The following AKT2 variants were observed in gnomAD, a reference collection of about 807,000 sequenced individuals.
The protein encoded by AKT2 is AKT serine/threonine kinase 2.
Under a neutral mutation model 58.6 loss-of-function variants are expected in AKT2, and 16 were observed. The ratio of observed to expected loss-of-function variants is 0.27; its 90% CI spans 0.18 to 0.41. The LOEUF (loss-of-function observed/expected upper bound fraction) is 0.41. Among genes scored for constraint, AKT2 ranks in the 10% least tolerant of loss-of-function variants. The pLI is 1.00. For missense variants in AKT2, 438 were observed against 661.0 expected (o/e 0.66, Z 3.70); for synonymous variants, 253 against 254.0 (o/e 1.00, Z 0.04).
In AKT2 at chr19:40,281,559, C is replaced by T. The variant is rs183414958; in HGVS notation, c.-85+3622G>A. 1.9e-3 allele frequency among the ~76,000 whole-genome samples: 284 copies of T among 152,070 alleles called. 3 individuals are homozygous for T. Among genetic ancestry groups the T allele is most frequent in the Admixed American group, 0.015 (229 of 15,298 alleles). On this transcript the variant is annotated intron_variant, in intron 1 of 13. Coordinates refer to ENST00000392038, the MANE Select transcript of AKT2 (RefSeq NM_001626.6). Reference sequence around the variant, plus strand: ...GACTCCAGTGTGTCTACCTTGGAGGCGCTCAGGGCTGCAAAGCCACTGCGT... The same window carrying T: ...GACTCCAGTGTGTCTACCTTGGAGGTGCTCAGGGCTGCAAAGCCACTGCGT...
intron 2 of AKT2, among the ~76,000 whole-genome samples, chr19:40,260,764 C>T (rs961503089): frequency 2.0e-5 from 3 of 150,822 alleles, no homozygotes; most frequent in Non-Finnish European, 2.9e-5. Context: ...TATTGATATA[C>T]GCTACTACAT....
intron 1 of AKT2, among the ~76,000 whole-genome samples, chr19:40,276,565 C>T (rs753274718): frequency 6.6e-6 from 1 of 151,664 alleles, no homozygotes; most frequent in Non-Finnish European, 1.5e-5. Flanking sequence ...AGGGTTTCAC[C>T]ATCTTGGCCA....
In AKT2 at chr19:40,236,297, A is replaced by G. The variant is rs1974022069; in HGVS notation, c.920T>C (p.Met307Thr). ...CKEGISDGAT[M>T]KTFCGTPEYL... ...CTCCGGGGTCCCACAGAAGGTTTTC[A>G]TGGTGGCCCCGTCACTGATGCCCTC... Residue 307 changes from methionine (M) to threonine (T), a missense_variant, in exon 10 of 14, where the codon ATG becomes ACG. Transcript: ENST00000392038. 2 of 1,613,964 alleles carry G rather than the reference A, an allele frequency of 1.2e-6. No homozygotes were observed. The highest frequency in any genetic ancestry group is 2.7e-5 in the African/African-American group (2 of 74,898).
intron 1 of AKT2, among the ~76,000 whole-genome samples, chr19:40,278,738 C>T (rs570153178): frequency 3.9e-4 from 59 of 152,134 alleles, no homozygotes; most frequent in African/African-American, 1.2e-3. Context: ...AAATTCATCC[C>T]GCCGCCTCCT....
At position 40,233,954 on chromosome 19, in the gene AKT2, G is replaced by A; in HGVS notation, c.1367-3C>T. The A allele has an allele frequency of 6.2e-7, 1 of 1,610,308 alleles. No individual in the cohort carries two copies. Among genetic ancestry groups the A allele is most frequent in the Non-Finnish European group, 8.5e-7 (1 of 1,179,860 alleles). The stretch of plus-strand genomic sequence containing the variant: ...CTCCAGTAAGCCCAGGCTGTCATCT[G>A]TGGGCGGCAGAGGTGGATGGGGAGG... On this transcript the variant is annotated splice_region_variant and splice_polypyrimidine_tract_variant and intron_variant, in intron 13 of 13. Transcript: ENST00000392038. The surrounding 1 kb of genome is among the most constrained non-coding windows in gnomAD (Gnocchi z 4.3).
chr19:40,251,245 T>C (rs1412862778), intron 4 of AKT2, among the ~76,000 whole-genome samples: 1 of 152,110 alleles, frequency 6.6e-6, no homozygotes, highest in Non-Finnish European at 1.5e-5. Context: ...AATTAAAATT[T>C]TAAAAGGGCC....
At chr19:40,259,635 A>G (rs949902436) in intron 2 of AKT2, among the ~76,000 whole-genome samples, 16 of 152,242 alleles carry the variant, frequency 1.1e-4, no homozygotes, top group Non-Finnish European at 7.3e-5. Context: ...TCAAGAAAGT[A>G]AAAAGATAAC....
rs1568515392 is a variant in AKT2 at position 40,234,583 on chromosome 19, G to A, written c.1366+462C>T. The A allele has an allele frequency of 2.5e-6, 1 of 405,094 alleles. No homozygotes were observed. Among genetic ancestry groups the A allele is most frequent in the Non-Finnish European group, 4.4e-6 (1 of 227,266 alleles). The allele number at this position is 405,094 out of a possible 1,614,324, so 25.1% of individuals were successfully genotyped here. On this transcript the variant is annotated intron_variant, in intron 13 of 13. Coordinates refer to ENST00000392038, the MANE Select transcript of AKT2 (RefSeq NM_001626.6). The surrounding 1 kb of genome is among the most constrained non-coding windows in gnomAD (Gnocchi z 4.7). ...AAAGCCCTCCCTAACTGCAGGCCAG[G>A]TCGGATATTTCCTCTGGGATTCCCC...
rs1488761003 is a variant in AKT2, at chr19:40,242,944, C to T, written c.288-257G>A. The T allele has an allele frequency of 1.1e-5, 5 of 462,182 alleles. No homozygotes were observed. Among genetic ancestry groups the T allele is most frequent in the South Asian group, 6.3e-5 (3 of 47,618 alleles). The allele number at this position is 462,182 out of a possible 1,614,324, so 28.6% of individuals were successfully genotyped here. ...CGGATGGATCACAAGGTCAGGAGTT[C>T]GAGACCAGCCTGGCCAACATGGTGA... On this transcript the variant is annotated intron_variant, in intron 4 of 13. Coordinates refer to ENST00000392038, the MANE Select transcript of AKT2 (RefSeq NM_001626.6). The surrounding 1 kb of genome is among the most constrained non-coding windows in gnomAD (Gnocchi z 4.3).
At chr19:40,246,873 A>G (rs1974784243) in intron 4 of AKT2, among the ~76,000 whole-genome samples, 1 of 152,076 alleles carries the variant, frequency 6.6e-6, no homozygotes, top group Admixed American at 6.6e-5. Flanking sequence ...TCTCCCCTCC[A>G]CCAGGGCCTG....
At chr19:40,265,389 G>A in intron 1 of AKT2, 38 bp from the exon 2 acceptor site, 1 of 1,534,518 alleles carries the variant, frequency 6.5e-7, no homozygotes, top group Non-Finnish European at 8.7e-7. Context: ...GGCGGGAGGG[G>A]ATTCCACACC....
Position 40,233,904 on chromosome 19 carries a change from G to T in AKT2, c.1414C>A (p.Gln472Lys). The change falls in exon 14 of 14, where the codon CAG (glutamine) becomes AAG (lysine). Residue 472 changes from glutamine (Q) to lysine (K), a missense_variant. By Grantham distance (53) the Gln-to-Lys change is moderately conservative. This residue lies in a region of AKT2 where 148 missense variants were observed against 199.5 expected (regional missense o/e 0.74). Coordinates refer to ENST00000392038, the MANE Select transcript of AKT2 (RefSeq NM_001626.6). This position sits in a 1 kb window ranked among gnomAD's most constrained non-coding sequence, Gnocchi z 4.3. ...LELDQRTHFPQFSYSASIRE is the reference protein window; with the variant it reads ...LELDQRTHFPKFSYSASIRE ...CGGATGCTGGCCGAGTAGGAGAACT[G>T]GGGGAAGTGGGTCCGCTGGTCCAGC... is the stretch of plus-strand genomic sequence containing the variant. 5 of 1,611,916 alleles carry T rather than the reference G, an allele frequency of 3.1e-6. No homozygotes were observed. The highest frequency in any genetic ancestry group is 4.2e-6 in the Non-Finnish European group (5 of 1,179,876).
rs901348440 is a variant in AKT2 at position 40,242,742 on chromosome 19, G to C, written c.288-55C>G. The C allele has an allele frequency of 1.3e-6, 2 of 1,591,108 alleles. No homozygotes were observed. Among genetic ancestry groups the C allele is most frequent in the East Asian group, 2.2e-5 (1 of 44,560 alleles). ...GCCAGGAGTCCTGGGCCTCAGAGTCGAACAGCTGAGTGCCACCTCCCAGCC... is the reference window on the plus strand; with the variant it reads ...GCCAGGAGTCCTGGGCCTCAGAGTCCAACAGCTGAGTGCCACCTCCCAGCC... On this transcript the variant is annotated intron_variant, in intron 4 of 13. Transcript: ENST00000392038. The surrounding 1 kb of genome is among the most constrained non-coding windows in gnomAD (Gnocchi z 4.3).
At chr19:40,240,386 G>C (rs920026718) in intron 6 of AKT2, 2 of 654,996 alleles carry the variant, frequency 3.1e-6, no homozygotes, top group Non-Finnish European at 5.8e-6. Context: ...TGACGTCCCT[G>C]CAAGGGAGAC....
At chr19:40,265,792 C>T (rs1976307013) in intron 1 of AKT2, among the ~76,000 whole-genome samples, 1 of 152,106 alleles carries the variant, frequency 6.6e-6, no homozygotes, top group Non-Finnish European at 1.5e-5. Flanking sequence ...GTCCCTCCAC[C>T]ATCTTACACA....
chr19:40,253,979 A>AT (rs1041121016), intron 4 of AKT2, among the ~76,000 whole-genome samples: 1 of 148,534 alleles, frequency 6.7e-6, no homozygotes, highest in Non-Finnish European at 1.5e-5. Context: ...TACCTTTTGT[A>AT]TTTAAAAAAA....
rs2145176064 is a variant in AKT2 at position 40,237,723 on chromosome 19, G to A, written c.831+246C>T. The A allele has an allele frequency of 1.9e-6, 1 of 521,974 alleles. No individual in the cohort carries two copies. Among genetic ancestry groups the A allele is most frequent in the South Asian group, 2.0e-5 (1 of 50,378 alleles). 32.3% of individuals were successfully genotyped at this position (521,974 alleles called of 1,614,324 possible). A position where few individuals can be genotyped will look rare whatever the true frequency, so the allele number is the denominator to read the frequency against. ...CTAGGAGCGCTCATGGGAGGCTTGG[G>A]AAGGTCCCTACTTGGGGCAACTTGC... On this transcript the variant is annotated intron_variant, in intron 9 of 13. Transcript: ENST00000392038. This position sits in a 1 kb window ranked among gnomAD's most constrained non-coding sequence, Gnocchi z 4.5.
At chr19:40,272,283 T>A (rs2077229694) in intron 1 of AKT2, among the ~76,000 whole-genome samples, 1 of 152,216 alleles carries the variant, frequency 6.6e-6, no homozygotes. Flanking sequence ...GCCCACTTTC[T>A]AGACTCCCAA....
Position 40,242,506 on chromosome 19 carries a change from C to T in AKT2, c.441+28G>A, listed in dbSNP as rs1015423311. 1.2e-6 allele frequency: 2 copies of T among 1,612,538 alleles called. No individual in the cohort carries two copies. The highest frequency in any genetic ancestry group is 1.1e-5 in the South Asian group (1 of 91,078). On this transcript the variant is annotated intron_variant, in intron 5 of 13. Transcript: ENST00000392038. This position sits in a 1 kb window ranked among gnomAD's most constrained non-coding sequence, Gnocchi z 4.3. ...TGGGGGTGGGGGCACCGCAGGCTGG[C>T]AGCCCCACCCCTGCTCCCAGCACTT...
Sources: allele counts gnomAD v4.1 joint callset (sites outside exome capture counted in the v4.1 genomes callset), GRCh38; gene constraint gnomAD v4.1.1; regional missense constraint gnomAD v4.1.1; non-coding constraint Gnocchi (gnomAD v3.1); transcripts MANE v1.5; gene names NCBI Gene and HGNC (gene_info 2026-07-23, HGNC 2026-07-21).